PRKCE: variants seen among roughly 807,000 people sequenced by gnomAD.
PRKCE encodes protein kinase C epsilon.
In PRKCE, 16 loss-of-function variants were observed where a neutral mutation model predicts 85.4. The observed-to-expected ratio is 0.19, with a 90% confidence interval of 0.13 to 0.28. The LOEUF is 0.28. PRKCE is among the 10% of genes least tolerant of loss of function. PRKCE has a pLI of 1.00. For missense variants in PRKCE, 573 were observed against 975.2 expected, an observed-to-expected ratio of 0.59 and a Z score of 5.49; for synonymous variants, 388 against 371.5, an observed-to-expected ratio of 1.04 and a Z score of -0.51.
In PRKCE at chr2:46,155,365, GC is replaced by G. The variant is rs1677095281; in HGVS notation, c.1920+4140del. ...AGCTCCTTGCTGGTGTCACTCGCGG[GC>G]CCCTGTTCGGCTCCTTCATGAATGG... On this transcript the variant is annotated intron_variant, in intron 13 of 14. Transcript: ENST00000306156. This position sits in a 1 kb window ranked among gnomAD's most constrained non-coding sequence, Gnocchi z 4.7. Among the ~76,000 whole-genome samples, 1 of 152,100 alleles carries G rather than the reference GC, an allele frequency of 6.6e-6. No homozygotes were observed. The highest frequency in any genetic ancestry group is 1.5e-5 in the Non-Finnish European group (1 of 68,006).
chr2:45,843,252 G>C (rs1335282167), intron 2 of PRKCE, among the ~76,000 whole-genome samples, 189 bp downstream of exon 2: 1 of 152,216 alleles, frequency 6.6e-6, no homozygotes, highest in Admixed American at 6.5e-5. Flanking sequence ...TGTTAACTTT[G>C]GTGGAGCAGA....
At chr2:45,738,563 T>C (rs1485964720) in intron 1 of PRKCE, among the ~76,000 whole-genome samples, 1 of 152,230 alleles carries the variant, frequency 6.6e-6, no homozygotes, top group Non-Finnish European at 1.5e-5. Flanking sequence ...ATGATGGAGA[T>C]TATATCTTGT....
intron 1 of PRKCE, among the ~76,000 whole-genome samples, chr2:45,828,068 G>A (rs1274418428): frequency 1.3e-5 from 2 of 152,204 alleles, no homozygotes; most frequent in Non-Finnish European, 2.9e-5. Context: ...TCATATCATA[G>A]CAGAAATGTT....
At chr2:45,884,993 A>ATTTTTTTT (rs1294443991) in intron 2 of PRKCE, among the ~76,000 whole-genome samples, 3 of 68,592 alleles carry the variant, frequency 4.4e-5, no homozygotes, top group East Asian at 6.7e-4. Context: ...ATATATATAT[A>ATTTTTTTT]TATATATATT....
intron 1 of PRKCE, among the ~76,000 whole-genome samples, chr2:45,656,426 T>A (rs1326892544): frequency 2.0e-5 from 3 of 152,210 alleles, no homozygotes; most frequent in Non-Finnish European, 2.9e-5. Context: ...ATTCTCCAGA[T>A]AATGAGAGAT....
At chr2:45,938,579 T>C (rs1042581000) in intron 2 of PRKCE, among the ~76,000 whole-genome samples, 8 of 152,166 alleles carry the variant, frequency 5.3e-5, no homozygotes, top group African/African-American at 1.9e-4. Context: ...CAGCTATTTA[T>C]TCAGTTAGCA....
chr2:46,080,795 C>T (rs1468734386), intron 10 of PRKCE, among the ~76,000 whole-genome samples: 1 of 152,106 alleles, frequency 6.6e-6, no homozygotes, highest in Non-Finnish European at 1.5e-5. Flanking sequence ...AGACAACTAT[C>T]CAAAGAACAA....
At chr2:46,076,823 AG>A (rs891597979) in intron 10 of PRKCE, among the ~76,000 whole-genome samples, 16 of 152,222 alleles carry the variant, frequency 1.1e-4, no homozygotes, top group African/African-American at 3.9e-4. Context: ...CCTTAAAAAA[AG>A]AAAGAAATTT....
At chr2:45,842,926 G>A (rs1354552422) in intron 1 of PRKCE, 74 bp from the exon 2 acceptor site, 61 of 1,373,244 alleles carry the variant, frequency 4.4e-5, no homozygotes, top group Non-Finnish European at 5.8e-5. Context: ...GCAGTTTGGG[G>A]TAGAAATGTT....
At chr2:45,910,075 GA>G (rs1373489553) in intron 2 of PRKCE, among the ~76,000 whole-genome samples, 1 of 151,706 alleles carries the variant, frequency 6.6e-6, no homozygotes, top group Non-Finnish European at 1.5e-5. Flanking sequence ...AGGAATGTGT[GA>G]CCAGGATACC....
intron 2 of PRKCE, among the ~76,000 whole-genome samples, chr2:45,960,306 T>C (rs1272602208): frequency 6.6e-6 from 1 of 152,226 alleles, no homozygotes; most frequent in Non-Finnish European, 1.5e-5. Context: ...CATTGTGTGG[T>C]GGAGGTAGTG....
chr2:45,913,524 T>C (rs905901708), intron 2 of PRKCE, among the ~76,000 whole-genome samples: 4 of 152,228 alleles, frequency 2.6e-5, no homozygotes, highest in Admixed American at 2.6e-4. Flanking sequence ...TTGGATTAAA[T>C]GACTCTTAGT....
intron 1 of PRKCE, among the ~76,000 whole-genome samples, chr2:45,693,270 A>C (rs371977855): frequency 5.3e-5 from 8 of 152,312 alleles, no homozygotes; most frequent in Admixed American, 6.5e-5. Context: ...CTTGAAAGGA[A>C]GATAAGTTTG....
At chr2:45,718,549 G>A (rs1183570034) in intron 1 of PRKCE, among the ~76,000 whole-genome samples, 1 of 151,782 alleles carries the variant, frequency 6.6e-6, no homozygotes, top group East Asian at 1.9e-4. Flanking sequence ...TCACCATGTT[G>A]GCCAGGATGG....
At chr2:46,088,048 G>A (rs551045767) in intron 11 of PRKCE, among the ~76,000 whole-genome samples, 5 of 152,126 alleles carry the variant, frequency 3.3e-5, no homozygotes, top group Admixed American at 3.3e-4. Flanking sequence ...AAATCCCTTT[G>A]CCATATAATG....
At chr2:45,809,508 A>G (rs1362710089) in intron 1 of PRKCE, among the ~76,000 whole-genome samples, 1 of 152,192 alleles carries the variant, frequency 6.6e-6, no homozygotes, top group African/African-American at 2.4e-5. Context: ...AAGTCGTTTC[A>G]TTGTTAGATT....
At chr2:45,833,202 T>C (rs796364980) in intron 1 of PRKCE, among the ~76,000 whole-genome samples, 2 of 151,812 alleles carry the variant, frequency 1.3e-5, no homozygotes, top group African/African-American at 4.8e-5. Context: ...TGAGCAGCCA[T>C]TGATAAAAGT....
chr2:45,935,241 A>C (rs1699354526), intron 2 of PRKCE, among the ~76,000 whole-genome samples: 1 of 152,178 alleles, frequency 6.6e-6, no homozygotes. Context: ...TTGTTAGTTA[A>C]AATACTTAAA....
intron 11 of PRKCE, among the ~76,000 whole-genome samples, chr2:46,142,575 A>G (rs1675651719): frequency 6.6e-6 from 1 of 152,236 alleles, no homozygotes; most frequent in Admixed American, 6.5e-5. Flanking sequence ...GGCCTCCCCC[A>G]GTCATAGCCA....
Sources: gnomAD v4.1 joint callset for allele counts (sites outside exome capture counted in the v4.1 genomes callset) on GRCh38, gnomAD v4.1.1 for gene constraint, Gnocchi (gnomAD v3.1) non-coding constraint, MANE v1.5 for transcripts, NCBI Gene and HGNC (gene_info 2026-07-23, HGNC 2026-07-21) for gene names.